The following TMEM272 variants were observed in gnomAD, a reference collection of about 807,000 sequenced individuals.
TMEM272 encodes long intergenic non-protein coding RNA 282.
A neutral mutation model predicts 3.7 loss-of-function variants in TMEM272; 8 were observed. That is an observed-to-expected ratio of 2.17 (90% CI 1.27 to 3.91). The LOEUF is 3.91. Ranked by LOEUF, TMEM272 falls within the 30% of genes most tolerant of loss-of-function variation. The pLI is 0.00. For synonymous variants in TMEM272, 63 were observed against 39.8 expected, an observed-to-expected ratio of 1.58 and a Z score of -2.20; for missense variants, 166 against 91.5, an observed-to-expected ratio of 1.81 and a Z score of -3.32.
intron 2 of TMEM272, among the ~76,000 whole-genome samples, chr13:51,830,579 G>A (rs750386423): frequency 6.6e-6 from 1 of 152,146 alleles, no homozygotes; most frequent in African/African-American, 2.4e-5. Flanking sequence ...CGCAGGGTCT[G>A]GCACATAATA....
the TMEM272 span, among the ~76,000 whole-genome samples, chr13:51,863,114 T>C: frequency 3.3e-5 from 5 of 152,278 alleles, no homozygotes; most frequent in South Asian, 1.0e-3. Context: ...GGGCTCTCAG[T>C]AGAGGATGCG....
At chr13:51,916,880 T>C in the TMEM272 span, among the ~76,000 whole-genome samples, 2 of 152,208 alleles carry the variant, frequency 1.3e-5, no homozygotes, top group Non-Finnish European at 2.9e-5. Context: ...AGCATTCCCA[T>C]GCATCATTCT....
rs548403159 is a variant in TMEM272 at position 51,816,285 on chromosome 13, A to T, written c.*466T>A. On this transcript the variant is annotated 3_prime_UTR_variant, in exon 5 of 5. Coordinates refer to ENST00000629372, the MANE Select transcript of TMEM272 (RefSeq NM_001351003.2). ...TTTCCTTTTAATAACAAAAGCCATC[A>T]TAGCGAGTGAAGTTAAGATATATCT... 1 of 156,812 alleles carries T rather than the reference A, an allele frequency of 6.4e-6. No homozygotes were observed. Among genetic ancestry groups the T allele is most frequent in the East Asian group, 1.9e-4 (1 of 5,364 alleles). The allele number at this position is 156,812 out of a possible 1,614,324, so 9.7% of individuals were successfully genotyped here.
the TMEM272 span, among the ~76,000 whole-genome samples, chr13:51,924,863 C>T: frequency 6.6e-6 from 1 of 152,178 alleles, no homozygotes; most frequent in Admixed American, 6.5e-5. Flanking sequence ...CAGCAGCATT[C>T]CCAGAAGATC....
chr13:51,878,401 G>A, the TMEM272 span, among the ~76,000 whole-genome samples: 30 of 152,278 alleles, frequency 2.0e-4, no homozygotes, highest in African/African-American at 7.2e-4. Flanking sequence ...CTGTGCTCCA[G>A]CCTGGGTGAC....
At chr13:51,910,384 T>C in the TMEM272 span, 12 of 1,058,832 alleles carry the variant, frequency 1.1e-5, no homozygotes, top group South Asian at 7.5e-5. Context: ...GAAAGCGCTA[T>C]AGCAAGCTCT....
chr13:51,844,654 C>T (rs1956289952), intron 1 of TMEM272, among the ~76,000 whole-genome samples: 1 of 152,064 alleles, frequency 6.6e-6, no homozygotes, highest in African/African-American at 2.4e-5. Context: ...TTAAAATGAC[C>T]AAGTCAAAGC....
At chr13:51,846,478 T>C (rs1002167337), upstream of TMEM272, among the ~76,000 whole-genome samples, 5 of 151,858 alleles carry the variant, frequency 3.3e-5, no homozygotes, top group Admixed American at 1.3e-4. Context: ...GTACAGCACA[T>C]GATACTTTAC....
chr13:51,918,803 CTTTTTTTTTTTTT>C, the TMEM272 span, among the ~76,000 whole-genome samples: 2 of 81,044 alleles, frequency 2.5e-5, no homozygotes, highest in Admixed American at 1.6e-4. Context: ...TTTTGAAATT[CTTTTTTTTTTTTT>C]TTTTTTTTTT....
chr13:51,860,036 G>A, the TMEM272 span, among the ~76,000 whole-genome samples: 1 of 151,958 alleles, frequency 6.6e-6, no homozygotes, highest in South Asian at 2.1e-4. Context: ...GGGACTACAG[G>A]CATGCACCAC....
chr13:51,889,027 C>T, the TMEM272 span, among the ~76,000 whole-genome samples: 3 of 152,172 alleles, frequency 2.0e-5, no homozygotes, highest in South Asian at 2.1e-4. Flanking sequence ...CACTTTCCCA[C>T]TGATGGGTAT....
chr13:51,830,023 G>A (rs1956159942), intron 2 of TMEM272, among the ~76,000 whole-genome samples: 1 of 152,220 alleles, frequency 6.6e-6, no homozygotes, highest in Admixed American at 6.5e-5. Flanking sequence ...AACAGATCTT[G>A]TCAAAATCAC....
chr13:51,874,913 C>G, the TMEM272 span, among the ~76,000 whole-genome samples: 1 of 152,204 alleles, frequency 6.6e-6, no homozygotes, highest in Non-Finnish European at 1.5e-5. Flanking sequence ...TCGTGACAGC[C>G]TGACTGGGGT....
At chr13:51,852,081 T>C in the TMEM272 span, among the ~76,000 whole-genome samples, 1 of 152,216 alleles carries the variant, frequency 6.6e-6, no homozygotes, top group Non-Finnish European at 1.5e-5. Context: ...TCCCCATACA[T>C]GGGGGTTATA....
rs1396847760 is a variant in TMEM272, at chr13:51,816,447, C to T, written c.*304G>A. The T allele has an allele frequency of 1.1e-5, 3 of 260,976 alleles. No individual in the cohort carries two copies. Among genetic ancestry groups the T allele is most frequent in the East Asian group, 1.4e-4 (2 of 13,924 alleles). 16.2% of individuals were successfully genotyped at this position (260,976 alleles called of 1,614,324 possible). A position where few individuals can be genotyped will look rare whatever the true frequency, so the allele number is the denominator to read the frequency against. ...ATTTGAAAAGGTCTCCCATTCTTTG[C>T]CTCCCACACTTCATACCCTCAAAAA... On this transcript the variant is annotated 3_prime_UTR_variant, in exon 5 of 5. Transcript: ENST00000629372.
At chr13:51,835,261 T>C (rs1414884407) in intron 2 of TMEM272, among the ~76,000 whole-genome samples, 1 of 150,812 alleles carries the variant, frequency 6.6e-6, no homozygotes, top group Non-Finnish European at 1.5e-5. Flanking sequence ...TCTCACTCTG[T>C]CACCAGGCTA....
At chr13:51,919,087 G>T in the TMEM272 span, among the ~76,000 whole-genome samples, 1 of 151,788 alleles carries the variant, frequency 6.6e-6, no homozygotes, top group African/African-American at 2.4e-5. Flanking sequence ...GCTTCCCAAG[G>T]CCCTTGCTCG....
the TMEM272 span, among the ~76,000 whole-genome samples, chr13:51,891,345 A>T: frequency 6.6e-6 from 1 of 152,196 alleles, no homozygotes. Context: ...TTATCCCATG[A>T]ATAGAGATTA....
chr13:51,909,783 A>C, the TMEM272 span: 2 of 1,582,722 alleles, frequency 1.3e-6, no homozygotes, highest in Non-Finnish European at 1.7e-6. Flanking sequence ...TTCTTCCAGC[A>C]CAGCAGCCTG....
Sources: gnomAD v4.1 joint callset for allele counts (sites outside exome capture counted in the v4.1 genomes callset) on GRCh38, gnomAD v4.1.1 for gene constraint, MANE v1.5 for transcripts, NCBI Gene and HGNC (gene_info 2026-07-23, HGNC 2026-07-21) for gene names.